Variants in VWA3B observed in about 807,000 individuals in gnomAD.
VWA3B encodes von Willebrand factor A domain-containing protein 3B.
Under a neutral mutation model 158.3 loss-of-function variants are expected in VWA3B, and 138 were observed. The observed-to-expected ratio is 0.87, with a 90% confidence interval of 0.76 to 1.00. The LOEUF (loss-of-function observed/expected upper bound fraction) is 1.00, where lower values mean the gene tolerates loss of function less well. VWA3B is among the 50% of genes least tolerant of loss of function. The pLI is 0.00. For missense variants in VWA3B, 1,555 were observed against 1,565.1 expected (o/e 0.99, Z 0.11); for synonymous variants, 596 against 587.3 (o/e 1.01, Z -0.21).
rs557127117 is a variant in VWA3B at position 98,251,462 on chromosome 2, G to T, written c.2792+1026G>T. Among the ~76,000 whole-genome samples, 14 of 152,216 alleles carry T rather than the reference G, an allele frequency of 9.2e-5. No individual in the cohort carries two copies. In the South Asian group the frequency reaches 1.2e-3, roughly 14 times the overall value. On this transcript the variant is annotated intron_variant, in intron 20 of 27. Transcript: ENST00000477737. The stretch of plus-strand genomic sequence containing the variant: ...CTGAGACAGGAGACTCTGCTCACAG[G>T]CTGGTCCTTGTCCATGCTGTAATCA...
At chr2:98,246,969 T>A (rs1301377250) in intron 19 of VWA3B, among the ~76,000 whole-genome samples, 1 of 152,106 alleles carries the variant, frequency 6.6e-6, no homozygotes, top group Non-Finnish European at 1.5e-5. Flanking sequence ...TTTCTATTCC[T>A]TTAGTGATTG....
intron 3 of VWA3B, among the ~76,000 whole-genome samples, chr2:98,118,130 C>T (rs764902043): frequency 7.9e-5 from 12 of 152,176 alleles, no homozygotes; most frequent in Non-Finnish European, 1.8e-4. Flanking sequence ...TTTATCTGAA[C>T]CACATTAAAA....
At position 98,228,220 on chromosome 2, in the gene VWA3B, T is replaced by A; in HGVS notation, c.2038T>A (p.Leu680Ile). ...EAVQNEDLTL[L>I]VKEMEQGHSD... ...TTGGCAGAATGAAGATCTGACTCTT[T>A]TAGTTAAGGAAATGGAACAGGGTCA... Residue 680 changes from leucine to isoleucine, a missense_variant, in exon 15 of 28, where the codon TTA becomes ATA. Transcript: ENST00000477737. 6.2e-7 allele frequency: 1 copy of A among 1,613,086 alleles called. No homozygotes were observed. Among genetic ancestry groups the A allele is most frequent in the Non-Finnish European group, 8.5e-7 (1 of 1,179,684 alleles).
intron 23 of VWA3B, among the ~76,000 whole-genome samples, chr2:98,293,243 C>A (rs1212925157): frequency 1.3e-5 from 2 of 152,186 alleles, no homozygotes; most frequent in African/African-American, 4.8e-5. Flanking sequence ...ATACTCCCAA[C>A]AGCCGCATGG....
the VWA3B span, among the ~76,000 whole-genome samples, chr2:98,318,795 A>G: frequency 6.6e-6 from 1 of 152,192 alleles, no homozygotes; most frequent in African/African-American, 2.4e-5. Flanking sequence ...AAAAGACATA[A>G]TATATATTAT....
chr2:98,228,917 A>G (rs1192170950), intron 15 of VWA3B: 1 of 152,230 alleles, frequency 6.6e-6, no homozygotes, highest in Non-Finnish European at 1.5e-5. Flanking sequence ...CAGATATTCA[A>G]GTATCACAGC....
At chr2:98,159,641 T>C (rs1678395745) in intron 7 of VWA3B, among the ~76,000 whole-genome samples, 1 of 152,146 alleles carries the variant, frequency 6.6e-6, no homozygotes, top group African/African-American at 2.4e-5. Context: ...CCACTAGGTC[T>C]CCTGAATGAC....
intron 22 of VWA3B, among the ~76,000 whole-genome samples, chr2:98,276,277 G>A (rs1410514079): frequency 6.6e-6 from 1 of 152,094 alleles, no homozygotes; most frequent in Admixed American, 6.5e-5. Context: ...TGCCATTACT[G>A]TCACACCCCG....
At chr2:98,312,088 C>G in intron 27 of VWA3B, 56 bp downstream of exon 27, 1 of 1,605,028 alleles carries the variant, frequency 6.2e-7, no homozygotes, top group Non-Finnish European at 8.5e-7. Flanking sequence ...ACCCTGAAAT[C>G]CCTTTCAAGA....
At chr2:98,316,500 T>C (rs1466891526), downstream of VWA3B, among the ~76,000 whole-genome samples, 5 of 152,000 alleles carry the variant, frequency 3.3e-5, no homozygotes, top group East Asian at 9.6e-4. Flanking sequence ...AAAAAATTGC[T>C]GGGTGTGGTG....
rs1678739812 is a variant in VWA3B, at chr2:98,162,898, G to C, written c.1036G>C (p.Glu346Gln). Reference protein sequence around the residue: ...DVFLVWQEMEEACSTLAQIQR... With the variant: ...DVFLVWQEMEQACSTLAQIQR... ...GTTTCTCGTTTGGCAAGAGATGGAG[G>C]AAGCCTGCAGCACGCTGGCCCAGAT... is the stretch of plus-strand genomic sequence containing the variant. Residue 346 changes from glutamate (E) to glutamine (Q), a missense_variant, in exon 8 of 28, where the codon GAA becomes CAA. By Grantham distance (29) the Glu-to-Gln change is conservative. Coordinates refer to ENST00000477737, the MANE Select transcript of VWA3B (RefSeq NM_144992.5). The C allele has an allele frequency of 1.2e-6, 2 of 1,613,862 alleles. No homozygotes were observed. The highest frequency in any genetic ancestry group is 2.2e-5 in the South Asian group (2 of 91,072).
At chr2:98,304,857 C>T (rs1307358704) in intron 26 of VWA3B, among the ~76,000 whole-genome samples, 1 of 152,106 alleles carries the variant, frequency 6.6e-6, no homozygotes, top group African/African-American at 2.4e-5. Context: ...AAATAAATAC[C>T]GTTCCCTTGG....
the VWA3B span, among the ~76,000 whole-genome samples, chr2:98,324,027 G>A: frequency 6.6e-6 from 1 of 152,180 alleles, no homozygotes. Flanking sequence ...AAGACTTACA[G>A]TCTTTCTGGC....
intron 2 of VWA3B, among the ~76,000 whole-genome samples, chr2:98,112,645 G>A (rs1346350603): frequency 6.6e-6 from 1 of 151,176 alleles, no homozygotes; most frequent in East Asian, 1.9e-4. Context: ...TACATACATT[G>A]CACTGGATTT....
chr2:98,303,693 T>A lies in VWA3B; in HGVS notation c.3421-9T>A. On this transcript the variant is annotated splice_polypyrimidine_tract_variant and intron_variant, in intron 25 of 27. Coordinates refer to ENST00000477737, the MANE Select transcript of VWA3B (RefSeq NM_144992.5). ...TTAAGTTGAGTGAACTCTGTTGGTA[T>A]TATTACAGGAATTTTGCCCTCGGAG... 6.2e-7 allele frequency: 1 copy of A among 1,613,064 alleles called. No individual in the cohort carries two copies. Among genetic ancestry groups the A allele is most frequent in the Non-Finnish European group, 8.5e-7 (1 of 1,179,044 alleles).
chr2:98,187,293 G>T (rs1681154679), intron 9 of VWA3B, among the ~76,000 whole-genome samples: 1 of 152,128 alleles, frequency 6.6e-6, no homozygotes, highest in Admixed American at 6.5e-5. Flanking sequence ...TGAGCTCCAT[G>T]AAGGCAGGGG....
At chr2:98,262,971 G>A (rs904639418) in intron 21 of VWA3B, among the ~76,000 whole-genome samples, 1 of 151,694 alleles carries the variant, frequency 6.6e-6, no homozygotes, top group Non-Finnish European at 1.5e-5. Context: ...GCAATGTTTT[G>A]TAGTTTTCAG....
At chr2:98,152,746 A>T (rs1300170064) in intron 7 of VWA3B, among the ~76,000 whole-genome samples, 1 of 152,234 alleles carries the variant, frequency 6.6e-6, no homozygotes, top group East Asian at 1.9e-4. Context: ...ATCTAGACTC[A>T]GCAGTGGAAC....
In VWA3B at chr2:98,250,320, G is replaced by A. The variant is rs1686718143; in HGVS notation, c.2676G>A (p.Val892=). 4 of 1,609,474 alleles carry A rather than the reference G, an allele frequency of 2.5e-6. No homozygotes were observed. In the East Asian group the frequency reaches 9.0e-5, roughly 36 times the overall value. ...KHVVSKVFDE[V]FPLAHVCNDT... is the part of the protein sequence containing the mutation. ...TTTCCTTTGCCATTGACATGCAGGT[G>A]TTCCCTCTGGCACATGTGTGCAACG... The change falls in exon 20 of 28, where the codon GTG becomes GTA. Residue 892 remains valine (V), a splice_region_variant and synonymous_variant. Coordinates refer to ENST00000477737, the MANE Select transcript of VWA3B (RefSeq NM_144992.5).
Sources: gnomAD v4.1 joint callset for allele counts (sites outside exome capture counted in the v4.1 genomes callset) on GRCh38, gnomAD v4.1.1 for gene constraint, MANE v1.5 for transcripts, NCBI Gene and HGNC (gene_info 2026-07-23, HGNC 2026-07-21) for gene names.